Variants in FBXO17 observed in about 807,000 individuals in gnomAD.
The protein encoded by FBXO17 is F-box protein 17.
A neutral mutation model predicts 34.1 loss-of-function variants in FBXO17; 43 were observed. The ratio of observed to expected loss-of-function variants is 1.26; its 90% CI spans 0.99 to 1.62. The LOEUF is 1.62. Among genes scored for constraint, FBXO17 ranks in the 40% most tolerant of loss-of-function variants. The pLI is 0.00. For missense variants in FBXO17, 424 were observed against 386.7 expected (o/e 1.10, Z -0.81); for synonymous variants, 169 against 166.0 (o/e 1.02, Z -0.14).
intron 1 of FBXO17, among the ~76,000 whole-genome samples, chr19:38,974,029 TATAC>T (rs1328454767): frequency 1.8e-5 from 2 of 110,730 alleles, no homozygotes; most frequent in Non-Finnish European, 2.0e-5. Context: ...TATATATATA[TATAC>T]ATATATATAT....
At chr19:38,953,279 C>T (rs150523055) in intron 1 of FBXO17, among the ~76,000 whole-genome samples, 2,118 of 152,146 alleles carry the variant, frequency 0.014, 57 homozygotes, top group African/African-American at 0.049. Context: ...TGTACTCCAG[C>T]CTGGGCAACA....
At chr19:38,969,509 T>C (rs1480485700) in intron 1 of FBXO17, among the ~76,000 whole-genome samples, 1 of 150,324 alleles carries the variant, frequency 6.7e-6, no homozygotes, top group Non-Finnish European at 1.5e-5. Flanking sequence ...GTTACTGCAA[T>C]TCACTAAAAA....
intron 1 of FBXO17, chr19:38,952,651 T>C (rs983646232): frequency 1.9e-6 from 1 of 533,800 alleles, no homozygotes; most frequent in African/African-American, 1.9e-5. Flanking sequence ...TCACGGCCGC[T>C]CCCGCTGCTC....
intron 5 of FBXO17, 150 bp from the exon 6 acceptor site, chr19:38,942,901 G>T: frequency 1.1e-6 from 1 of 936,356 alleles, no homozygotes; most frequent in Non-Finnish European, 1.5e-6. Context: ...AAAGGACCCC[G>T]CCCTGGTGTC....
intron 1 of FBXO17, among the ~76,000 whole-genome samples, chr19:38,972,174 C>G (rs1196764413): frequency 6.6e-6 from 1 of 152,106 alleles, no homozygotes; most frequent in South Asian, 2.1e-4. Flanking sequence ...GACTGAGACC[C>G]CCACTGGGTA....
At position 38,975,313 on chromosome 19, in the gene FBXO17, G is replaced by C. The variant is rs1975446463; in HGVS notation, c.-18+273C>G. On this transcript the variant is annotated intron_variant, in intron 1 of 5. Transcript: ENST00000292852. The surrounding 1 kb of genome is among the most constrained non-coding windows in gnomAD (Gnocchi z 4.9). ...GCCTCCGCGGACGAGCGCAGGGATG[G>C]AGAGGCCTGGGCGTTCGAACACCCA... 6.6e-6 allele frequency among the ~76,000 whole-genome samples: 1 copy of C among 152,254 alleles called. No homozygotes were observed. The highest frequency in any genetic ancestry group is 2.4e-5 in the African/African-American group (1 of 41,476).
At chr19:38,948,465 A>T in intron 3 of FBXO17, 102 bp downstream of exon 3, 1 of 775,950 alleles carries the variant, frequency 1.3e-6, no homozygotes, top group Non-Finnish European at 2.1e-6. Flanking sequence ...TAAATGGGGG[A>T]AGGAGAGGGT....
chr19:38,945,276 G>A (rs1974958942), intron 4 of FBXO17, 172 bp from the exon 5 acceptor site: 3 of 866,632 alleles, frequency 3.5e-6, no homozygotes. Context: ...TGGTTCTGGG[G>A]TGGAACCAGA....
intron 1 of FBXO17, among the ~76,000 whole-genome samples, chr19:38,956,705 A>C (rs554740137): frequency 5.8e-4 from 88 of 151,920 alleles, no homozygotes; most frequent in African/African-American, 2.1e-3. Context: ...ACATGGTGAA[A>C]CCTGTCTCTA....
chr19:38,971,639 T>C (rs990424863), intron 1 of FBXO17, among the ~76,000 whole-genome samples: 4 of 151,688 alleles, frequency 2.6e-5, no homozygotes, highest in African/African-American at 9.7e-5. Flanking sequence ...ATTTAACAAT[T>C]AGCCAGGCAT....
At chr19:38,945,169 G>A in intron 4 of FBXO17, 65 bp from the exon 5 acceptor site, 1 of 1,595,406 alleles carries the variant, frequency 6.3e-7, no homozygotes, top group Non-Finnish European at 8.5e-7. Context: ...TTCGGGGCGG[G>A]AGGCTGAGGG....
At chr19:38,966,292 T>TG (rs1420133713) in intron 1 of FBXO17, among the ~76,000 whole-genome samples, 144 of 126,794 alleles carry the variant, frequency 1.1e-3, no homozygotes, top group South Asian at 0.01. Context: ...AATTAAAAAT[T>TG]TTGTGTGTGT....
intron 1 of FBXO17, among the ~76,000 whole-genome samples, chr19:38,973,191 G>A (rs1200869305): frequency 1.3e-5 from 2 of 152,052 alleles, no homozygotes; most frequent in African/African-American, 2.4e-5. Context: ...TGACCAACAC[G>A]GTGAAACCCC....
At chr19:38,960,599 C>T (rs1273088024) in intron 1 of FBXO17, among the ~76,000 whole-genome samples, 3 of 152,140 alleles carry the variant, frequency 2.0e-5, no homozygotes, top group African/African-American at 7.2e-5. Flanking sequence ...ACCTCCGCCT[C>T]CCAGATTCAA....
intron 1 of FBXO17, among the ~76,000 whole-genome samples, chr19:38,967,454 T>A (rs1320336162): frequency 6.7e-6 from 1 of 150,140 alleles, no homozygotes; most frequent in Admixed American, 6.7e-5. Flanking sequence ...AAAATAAAAA[T>A]AAAAAAGAAA....
Position 38,949,972 on chromosome 19 carries a change from C to G in FBXO17, c.348G>C (p.Glu116Asp), listed in dbSNP as rs113548517. Residue 116 changes from glutamate (E) to aspartate (D), a missense_variant and splice_region_variant, in exon 2 of 6, where the codon GAG becomes GAC. Glu to Asp is a conservative substitution (Grantham distance 45). Coordinates refer to ENST00000292852, the MANE Select transcript of FBXO17 (RefSeq NM_024907.7). ...GRNLIFNSCG[E>D]QGFRGWEVEH... ...CTGGGCCCCGCCCCCGTCACCCACGCTCTCCGCAGGAGTTGAAGATGAGAT... is the reference window on the plus strand; with the variant it reads ...CTGGGCCCCGCCCCCGTCACCCACGGTCTCCGCAGGAGTTGAAGATGAGAT... The G allele has an allele frequency of 8.5e-6, 13 of 1,535,984 alleles. No homozygotes were observed. Among genetic ancestry groups the G allele is most frequent in the Non-Finnish European group, 1.1e-5 (13 of 1,142,908 alleles).
intron 1 of FBXO17, among the ~76,000 whole-genome samples, chr19:38,956,265 C>CAA (rs374424636): frequency 1.6e-3 from 180 of 112,492 alleles, no homozygotes; most frequent in South Asian, 2.1e-3. Context: ...GACTCTGTCT[C>CAA]AAAAAAAAAA....
chr19:38,970,519 C>G (rs753280286), intron 1 of FBXO17, among the ~76,000 whole-genome samples: 1 of 152,030 alleles, frequency 6.6e-6, no homozygotes, highest in South Asian at 2.1e-4. Flanking sequence ...TTTCTCTCTT[C>G]GTGTGTGAGG....
At position 38,973,466 on chromosome 19, in the gene FBXO17, TC is replaced by T. The variant is rs1975416635; in HGVS notation, c.-18+2119del. Among the ~76,000 whole-genome samples, 3 of 152,298 alleles carry T rather than the reference TC, an allele frequency of 2.0e-5. No homozygotes were observed. The South Asian group carries it at 6.2e-4, about 32-fold the overall frequency. On this transcript the variant is annotated intron_variant, in intron 1 of 5. Coordinates refer to ENST00000292852, the MANE Select transcript of FBXO17 (RefSeq NM_024907.7). ...CTGTGGCTGTTTCCTCCTAACAAGA[TC>T]CCCGTGGGGGCTCAAACACCAGTGG... is the stretch of plus-strand genomic sequence containing the variant.
Sources: allele counts gnomAD v4.1 joint callset (sites outside exome capture counted in the v4.1 genomes callset), GRCh38; gene constraint gnomAD v4.1.1; non-coding constraint Gnocchi (gnomAD v3.1); transcripts MANE v1.5; gene names NCBI Gene and HGNC (gene_info 2026-07-23, HGNC 2026-07-21).